Variants in AGBL4 observed in about 807,000 individuals in gnomAD.
AGBL4 encodes the protein AGBL carboxypeptidase 4, also known as cytosolic carboxypeptidase 6.
In AGBL4, 58 loss-of-function variants were observed where a neutral mutation model predicts 66.4. That is an observed-to-expected ratio of 0.87 (90% confidence interval 0.71 to 1.09). The LOEUF (loss-of-function observed/expected upper bound fraction) is 1.09. AGBL4 is among the 50% of genes least tolerant of loss of function. The pLI, the probability that AGBL4 is intolerant of heterozygous loss-of-function variation, is 0.00. For missense variants in AGBL4, 579 were observed against 631.0 expected (o/e 0.92, Z 0.88); for synonymous variants, 234 against 222.9 (o/e 1.05, Z -0.44).
chr1:49,703,698 A>G (rs896637080), intron 2 of AGBL4, among the ~76,000 whole-genome samples: 2 of 152,048 alleles, frequency 1.3e-5, no homozygotes, highest in Non-Finnish European at 2.9e-5. Context: ...ACATTTTTAT[A>G]AAGACCCAAG....
chr1:48,993,576 G>T (rs568539687), intron 5 of AGBL4, among the ~76,000 whole-genome samples: 1 of 152,290 alleles, frequency 6.6e-6, no homozygotes, highest in Admixed American at 6.5e-5. Flanking sequence ...TTGCCTAGGA[G>T]TAACAGTCCT....
chr1:49,913,986 T>A (rs1319774426), intron 1 of AGBL4, among the ~76,000 whole-genome samples: 1 of 152,222 alleles, frequency 6.6e-6, no homozygotes, highest in Non-Finnish European at 1.5e-5. Context: ...AGGAGCATCC[T>A]TAAGGGTCTT....
chr1:48,793,780 T>G (rs1018899558), intron 6 of AGBL4, among the ~76,000 whole-genome samples: 1 of 152,178 alleles, frequency 6.6e-6, no homozygotes, highest in Non-Finnish European at 1.5e-5. Context: ...AGCACACTCT[T>G]TCAAGCTGTT....
chr1:49,618,466 G>T (rs972893318), intron 3 of AGBL4, among the ~76,000 whole-genome samples: 3 of 132,024 alleles, frequency 2.3e-5, no homozygotes, highest in Non-Finnish European at 5.5e-5. Flanking sequence ...TGAAATTGAG[G>T]CAGTAATTAA....
intron 11 of AGBL4, among the ~76,000 whole-genome samples, chr1:48,581,681 C>T (rs1474276518): frequency 6.6e-6 from 1 of 152,166 alleles, no homozygotes; most frequent in Non-Finnish European, 1.5e-5. Context: ...CAACAAATGA[C>T]AGGAAGGAAA....
intron 2 of AGBL4, among the ~76,000 whole-genome samples, chr1:49,714,821 C>T (rs2124670080): frequency 6.6e-6 from 1 of 151,780 alleles, no homozygotes; most frequent in African/African-American, 2.4e-5. Context: ...TCAGTGGTAG[C>T]TCTATTTTTA....
rs527549911 is a variant in AGBL4 at position 49,521,901 on chromosome 1, A to T, written c.282+175412T>A. On this transcript the variant is annotated intron_variant, in intron 3 of 13. Coordinates refer to ENST00000371839, the MANE Select transcript of AGBL4 (RefSeq NM_032785.4). The stretch of plus-strand genomic sequence containing the variant: ...ATAGAATGAGAACAATAGACATTGG[A>T]AACTATTAGAGGGGGGAATGAGTGC... Among the ~76,000 whole-genome samples the T allele has an allele frequency of 8.4e-5, 9 of 106,608 alleles. No individual in the cohort carries two copies. In the Admixed American group the frequency reaches 9.3e-4, roughly 11 times the overall value. The allele number at this position is 106,608 out of a possible 152,430, so 69.9% of individuals were successfully genotyped here.
At chr1:48,679,287 A>T (rs1400250042) in intron 6 of AGBL4, among the ~76,000 whole-genome samples, 5 of 152,242 alleles carry the variant, frequency 3.3e-5, no homozygotes, top group African/African-American at 7.2e-5. Flanking sequence ...GGTTAAGATC[A>T]AGGGTCTCTG....
intron 3 of AGBL4, among the ~76,000 whole-genome samples, chr1:49,270,850 A>C (rs1644042699): frequency 6.6e-6 from 1 of 152,222 alleles, no homozygotes; most frequent in Non-Finnish European, 1.5e-5. Context: ...GAGATTTCTT[A>C]TTCCAAACAA....
chr1:48,722,592 G>A (rs999122864), intron 6 of AGBL4, among the ~76,000 whole-genome samples: 2 of 152,154 alleles, frequency 1.3e-5, no homozygotes, highest in African/African-American at 2.4e-5. Context: ...CAAAACTGAT[G>A]CTCTTTCCAT....
chr1:49,961,498 C>T (rs1657116979), intron 1 of AGBL4, among the ~76,000 whole-genome samples: 2 of 152,102 alleles, frequency 1.3e-5, no homozygotes, highest in East Asian at 3.9e-4. Context: ...GAGCAAGACA[C>T]TGTGTCTAAA....
intron 4 of AGBL4, 112 bp downstream of exon 4, chr1:49,245,658 A>C (rs1651583237): frequency 4.2e-6 from 3 of 707,726 alleles, no homozygotes; most frequent in Non-Finnish European, 6.9e-6. Context: ...ATTTTCTTTT[A>C]AAAATTTTTA....
intron 1 of AGBL4, among the ~76,000 whole-genome samples, chr1:49,969,570 C>A (rs1657877501): frequency 6.6e-6 from 1 of 152,100 alleles, no homozygotes; most frequent in South Asian, 2.1e-4. Flanking sequence ...CTATCTACTT[C>A]TTCTATGGCT....
chr1:48,800,953 G>A (rs1247162965), intron 6 of AGBL4, among the ~76,000 whole-genome samples: 1 of 151,758 alleles, frequency 6.6e-6, no homozygotes, highest in South Asian at 2.1e-4. Flanking sequence ...GGTTAGGGGG[G>A]TCTGAGCTCA....
At chr1:49,381,436 G>A (rs1262690400) in intron 3 of AGBL4, among the ~76,000 whole-genome samples, 1 of 152,128 alleles carries the variant, frequency 6.6e-6, no homozygotes, top group Non-Finnish European at 1.5e-5. Flanking sequence ...AAGTCAGTGT[G>A]GTGATTCCTC....
intron 11 of AGBL4, among the ~76,000 whole-genome samples, chr1:48,572,915 A>T (rs1338071599): frequency 6.6e-6 from 1 of 152,214 alleles, no homozygotes; most frequent in Non-Finnish European, 1.5e-5. Context: ...AGAGGGAAGG[A>T]GCTGGAGAGA....
rs367982444 is a variant in AGBL4, at chr1:49,877,978, T to C, written c.35-26460A>G. On this transcript the variant is annotated intron_variant, in intron 1 of 13. Transcript: ENST00000371839. ...GTTTGTAGTATTCTCTGATGGTAGT[T>C]TGTATTTCTATGGGATCGGTGGTGA... Among the ~76,000 whole-genome samples the C allele has an allele frequency of 3.4e-4, 52 of 152,262 alleles. 1 individual carries two copies. In the South Asian group the frequency reaches 9.5e-3, roughly 28 times the overall value.
chr1:49,176,921 G>A (rs554138405), intron 4 of AGBL4, among the ~76,000 whole-genome samples: 54 of 152,194 alleles, frequency 3.5e-4, no homozygotes, highest in African/African-American at 1.3e-3. Flanking sequence ...AGATCATGAT[G>A]TGCTCCCATA....
chr1:49,842,974 G>C (rs567825900), intron 2 of AGBL4, among the ~76,000 whole-genome samples: 2 of 152,096 alleles, frequency 1.3e-5, no homozygotes, highest in South Asian at 2.1e-4. Context: ...ATGGATCCAG[G>C]CTGGGCCCTG....
Sources: allele counts gnomAD v4.1 joint callset (sites outside exome capture counted in the v4.1 genomes callset), GRCh38; gene constraint gnomAD v4.1.1; transcripts MANE v1.5; gene names NCBI Gene and HGNC (gene_info 2026-07-23, HGNC 2026-07-21).